Variants in BZW2 observed in about 807,000 individuals in gnomAD.
BZW2 encodes the protein eIF5-mimic protein 1.
Under a neutral mutation model 53.2 loss-of-function variants are expected in BZW2, and 23 were observed. The observed-to-expected ratio is 0.43, with a 90% CI of 0.31 to 0.61. The LOEUF is 0.61. BZW2 is among the 20% of genes least tolerant of loss of function. BZW2 has a pLI of 0.09. For missense variants in BZW2, 409 were observed against 503.1 expected, an observed-to-expected ratio of 0.81 and a Z score of 1.79; for synonymous variants, 227 against 186.4, an observed-to-expected ratio of 1.22 and a Z score of -1.77.
At position 16,683,355 on chromosome 7, in the gene BZW2, T is replaced by C. The variant is rs528045647; in HGVS notation, c.405+510T>C. On this transcript the variant is annotated intron_variant, in intron 5 of 11. Transcript: ENST00000258761. ...AATAGCTATAGGAAGAAATATGTGA[T>C]TATTCTGGACTTTTTCCATTAATAT... Among the ~76,000 whole-genome samples, 6 of 152,364 alleles carry C rather than the reference T, an allele frequency of 3.9e-5. 1 individual carries two copies. Among genetic ancestry groups the C allele is most frequent in the South Asian group, 2.1e-4 (1 of 4,834 alleles).
intron 7 of BZW2, among the ~76,000 whole-genome samples, chr7:16,693,535 T>C (rs1783385608): frequency 6.6e-6 from 1 of 152,172 alleles, no homozygotes; most frequent in African/African-American, 2.4e-5. Context: ...TTCTTAAATA[T>C]TTTTGGTGGC....
intron 2 of BZW2, among the ~76,000 whole-genome samples, chr7:16,667,699 AAT>A (rs1256774893): frequency 5.3e-5 from 8 of 152,222 alleles, no homozygotes; most frequent in African/African-American, 1.9e-4. Flanking sequence ...TTCAAAGTAA[AAT>A]ATAAAAATTA....
chr7:16,685,876 C>CTTTTTTTTTTTTTTTTTTTTTTTTTT, intron 5 of BZW2, 29 bp from the exon 6 acceptor site: 7 of 1,293,582 alleles, frequency 5.4e-6, no homozygotes, highest in Admixed American at 3.5e-5. Flanking sequence ...TTTTCTTTTT[C>CTTTTTTTTTTTTTTTTTTTTTTTTTT]TTTTTTTTTT....
chr7:16,688,121 T>G (rs1243730988), intron 6 of BZW2, among the ~76,000 whole-genome samples: 1 of 152,148 alleles, frequency 6.6e-6, no homozygotes, highest in Non-Finnish European at 1.5e-5. Flanking sequence ...AATTAAATGC[T>G]TTTACTTTCC....
intron 7 of BZW2, 86 bp downstream of exon 7, chr7:16,689,992 T>G: frequency 1.1e-6 from 1 of 918,392 alleles, no homozygotes; most frequent in Middle Eastern, 2.8e-4. Context: ...ATGAGTAAGA[T>G]CCCTGGATCT....
At chr7:16,647,147 G>C (rs1465875639) in intron 1 of BZW2, among the ~76,000 whole-genome samples, 1 of 152,078 alleles carries the variant, frequency 6.6e-6, no homozygotes, top group Non-Finnish European at 1.5e-5. Flanking sequence ...GCTAAAATGC[G>C]GGAATCAGTC....
At chr7:16,651,145 TA>T (rs1313067268) in intron 1 of BZW2, among the ~76,000 whole-genome samples, 2 of 152,238 alleles carry the variant, frequency 1.3e-5, no homozygotes, top group African/African-American at 4.8e-5. Context: ...ATTAATATTT[TA>T]GTAGGAAAAC....
At chr7:16,694,399 A>T (rs1315352059) in intron 7 of BZW2, among the ~76,000 whole-genome samples, 1 of 152,154 alleles carries the variant, frequency 6.6e-6, no homozygotes, top group East Asian at 1.9e-4. Flanking sequence ...GGGACTCTGC[A>T]GTGTCCCAGG....
At chr7:16,693,388 C>T (rs368631593) in intron 7 of BZW2, among the ~76,000 whole-genome samples, 5 of 152,108 alleles carry the variant, frequency 3.3e-5, no homozygotes, top group Admixed American at 6.5e-5. Flanking sequence ...AAGTGAACTA[C>T]GAGTGATATG....
chr7:16,682,892 G>T (rs771857784), intron 5 of BZW2, 47 bp downstream of exon 5: 67 of 1,339,000 alleles, frequency 5.0e-5, no homozygotes, highest in Non-Finnish European at 6.3e-5. Flanking sequence ...TAATGACATG[G>T]GGGTGGATAA....
rs71848458 is a variant in BZW2, at chr7:16,665,507, TTG to T, written c.58+28_58+29del. The T allele has an allele frequency of 0.024, 28,608 of 1,177,410 alleles. 1 individual carries two copies. The highest frequency in any genetic ancestry group is 0.044 in the South Asian group (3,084 of 69,702). The allele number at this position is 1,177,410 out of a possible 1,614,324, so 72.9% of individuals were successfully genotyped here. A position where few individuals can be genotyped will look rare whatever the true frequency, so the allele number is the denominator to read the frequency against. ...GTTCAAAACTCGGAAAAGGGGTAGG[TTG>T]TGTGTGTGTGTGTGTGTGTGTTTAA... is the stretch of plus-strand genomic sequence containing the variant. On this transcript the variant is annotated splice_region_variant and intron_variant, in intron 2 of 11. Transcript: ENST00000258761.
intron 8 of BZW2, among the ~76,000 whole-genome samples, chr7:16,695,321 A>G (rs1018390309): frequency 1.3e-5 from 2 of 152,158 alleles, no homozygotes; most frequent in Non-Finnish European, 2.9e-5. Flanking sequence ...AGCCCATTAT[A>G]TGGTAGTTTT....
At chr7:16,698,023 C>G in intron 9 of BZW2, 25 bp from the exon 10 acceptor site, 3 of 1,613,646 alleles carry the variant, frequency 1.9e-6, no homozygotes, top group Non-Finnish European at 2.5e-6. Flanking sequence ...CAAGTGACGG[C>G]TTTTACTCTC....
At chr7:16,648,992 A>T (rs1481297313) in intron 1 of BZW2, among the ~76,000 whole-genome samples, 1 of 152,190 alleles carries the variant, frequency 6.6e-6, no homozygotes, top group African/African-American at 2.4e-5. Context: ...AAATCTTTGT[A>T]CATGGAGGAT....
chr7:16,704,262 A>C (rs1402175520), intron 10 of BZW2, among the ~76,000 whole-genome samples: 3 of 152,230 alleles, frequency 2.0e-5, no homozygotes, highest in Non-Finnish European at 4.4e-5. Flanking sequence ...TCCTACCAGC[A>C]AATTAGCACT....
intron 3 of BZW2, among the ~76,000 whole-genome samples, chr7:16,676,136 T>C (rs576089160): frequency 2.0e-5 from 3 of 152,252 alleles, no homozygotes; most frequent in African/African-American, 7.2e-5. Flanking sequence ...GGTGACATTA[T>C]GCAAATACGA....
chr7:16,699,920 T>C (rs2128370326), intron 10 of BZW2, among the ~76,000 whole-genome samples: 1 of 152,226 alleles, frequency 6.6e-6, no homozygotes, highest in Non-Finnish European at 1.5e-5. Flanking sequence ...AGAAAATAAC[T>C]CAAGAAGTAA....
intron 4 of BZW2, 21 bp from the exon 5 acceptor site, chr7:16,682,759 T>A (rs1186242746): frequency 6.6e-7 from 1 of 1,511,850 alleles, no homozygotes; most frequent in African/African-American, 1.5e-5. Context: ...ACCTAATATT[T>A]AATGGTTGTT....
intron 10 of BZW2, among the ~76,000 whole-genome samples, chr7:16,703,041 G>T (rs567941570): frequency 6.6e-6 from 1 of 152,098 alleles, no homozygotes; most frequent in East Asian, 1.9e-4. Flanking sequence ...TCTCTGCAAG[G>T]CAGTCTTACA....
Sources: allele counts gnomAD v4.1 joint callset (sites outside exome capture counted in the v4.1 genomes callset), GRCh38; gene constraint gnomAD v4.1.1; transcripts MANE v1.5; gene names NCBI Gene and HGNC (gene_info 2026-07-23, HGNC 2026-07-21).